NT5C2: variants seen among roughly 807,000 people sequenced by gnomAD.
NT5C2 encodes the protein cytosolic purine 5'-nucleotidase.
In NT5C2, 58 loss-of-function variants were observed where a neutral mutation model predicts 76.1. The observed-to-expected ratio is 0.76, with a 90% confidence interval of 0.62 to 0.95. The LOEUF (loss-of-function observed/expected upper bound fraction) is 0.95, where lower values mean the gene tolerates loss of function less well. Among genes scored for constraint, NT5C2 ranks in the 40% least tolerant of loss-of-function variants. NT5C2 has a pLI of 0.00. For synonymous variants in NT5C2, 229 were observed against 237.4 expected (o/e 0.96, Z 0.32); for missense variants, 478 against 690.3 (o/e 0.69, Z 3.45).
At chr10:103,130,779 CA>C (rs2136063954) in intron 4 of NT5C2, among the ~76,000 whole-genome samples, 1 of 151,898 alleles carries the variant, frequency 6.6e-6, no homozygotes, top group Non-Finnish European at 1.5e-5. Flanking sequence ...ACAGGATTCT[CA>C]AAACATCATT....
At chr10:103,098,218 CTTAATA>C (rs1349945749) in intron 10 of NT5C2, 1 of 367,756 alleles carries the variant, frequency 2.7e-6, no homozygotes, top group African/African-American at 2.2e-5. Context: ...TCCAGTTTCC[CTTAATA>C]TTAACATCTT....
chr10:103,176,786 T>C (rs993620099), intron 2 of NT5C2, among the ~76,000 whole-genome samples: 17 of 152,130 alleles, frequency 1.1e-4, no homozygotes, highest in African/African-American at 4.1e-4. Context: ...GGGATTACAG[T>C]TGGGAGCCAC....
chr10:103,122,538 A>G (rs886983898), intron 4 of NT5C2, among the ~76,000 whole-genome samples: 6 of 152,246 alleles, frequency 3.9e-5, no homozygotes, highest in Non-Finnish European at 8.8e-5. Flanking sequence ...GTTTTAACAA[A>G]TCTGTTGCTA....
At chr10:103,189,019 G>A (rs2092378630) in intron 1 of NT5C2, among the ~76,000 whole-genome samples, 1 of 147,922 alleles carries the variant, frequency 6.8e-6, no homozygotes, top group South Asian at 2.1e-4. Context: ...AAAAAAGAGT[G>A]TGGGATGAAA....
At chr10:103,092,833 C>T (rs969422153) in intron 15 of NT5C2, among the ~76,000 whole-genome samples, 1 of 152,114 alleles carries the variant, frequency 6.6e-6, no homozygotes, top group Non-Finnish European at 1.5e-5. Context: ...TATGGGACCA[C>T]AGAGGAAAAG....
chr10:103,159,150 T>C (rs1195626901), intron 3 of NT5C2, among the ~76,000 whole-genome samples: 1 of 151,914 alleles, frequency 6.6e-6, no homozygotes, highest in Non-Finnish European at 1.5e-5. Flanking sequence ...GGGGGATCAC[T>C]TGAGGCCAAG....
chr10:103,141,753 G>C (rs1272955591), intron 3 of NT5C2, among the ~76,000 whole-genome samples: 1 of 152,110 alleles, frequency 6.6e-6, no homozygotes, highest in Non-Finnish European at 1.5e-5. Flanking sequence ...TAAATAAATA[G>C]CTACTGTCTA....
In NT5C2 at chr10:103,097,389, GATA is replaced by G. The variant is rs2068461219; in HGVS notation, c.688-18_688-16del. On this transcript the variant is annotated splice_polypyrimidine_tract_variant and intron_variant, in intron 10 of 18. Transcript: ENST00000404739. ...GGCAGTTTTCCCTGAAATGTAATTG[GATA>G]ATGAGTGAAACACGAAAACATTTTT... 2 of 1,594,802 alleles carry G rather than the reference GATA, an allele frequency of 1.3e-6. No individual in the cohort carries two copies. Among genetic ancestry groups the G allele is most frequent in the Non-Finnish European group, 1.7e-6 (2 of 1,163,350 alleles).
At chr10:103,168,856 A>C (rs1456834992) in intron 3 of NT5C2, among the ~76,000 whole-genome samples, 1 of 152,234 alleles carries the variant, frequency 6.6e-6, no homozygotes, top group African/African-American at 2.4e-5. Context: ...ATCACATACG[A>C]TGTATACTTT....
intron 3 of NT5C2, among the ~76,000 whole-genome samples, chr10:103,172,955 C>A (rs943708378): frequency 6.6e-6 from 1 of 152,118 alleles, no homozygotes; most frequent in African/African-American, 2.4e-5. Flanking sequence ...TTACAGTGAG[C>A]CGAGATCAAG....
chr10:103,156,672 T>C (rs1415394563), intron 3 of NT5C2, among the ~76,000 whole-genome samples: 1 of 145,042 alleles, frequency 6.9e-6, no homozygotes, highest in African/African-American at 2.6e-5. Flanking sequence ...CGACAATCAC[T>C]TGAACCCAGG....
At chr10:103,092,232 A>G (rs2067115451) in intron 15 of NT5C2, among the ~76,000 whole-genome samples, 1 of 152,202 alleles carries the variant, frequency 6.6e-6, no homozygotes, top group Non-Finnish European at 1.5e-5. Flanking sequence ...TCTATCTACC[A>G]TCTTTAGGAG....
At chr10:103,156,432 T>G (rs1234430685) in intron 3 of NT5C2, among the ~76,000 whole-genome samples, 1 of 152,234 alleles carries the variant, frequency 6.6e-6, no homozygotes, top group Admixed American at 6.5e-5. Flanking sequence ...TAATAATGGA[T>G]GTAGTAACAA....
intron 14 of NT5C2, 69 bp downstream of exon 14, chr10:103,093,901 TGA>T: frequency 1.7e-6 from 2 of 1,195,626 alleles, no homozygotes; most frequent in Non-Finnish European, 2.5e-6. Flanking sequence ...GGCACTTTGC[TGA>T]GAGATTACCA....
At chr10:103,193,039 G>C (rs1317985529) in intron 1 of NT5C2, among the ~76,000 whole-genome samples, 197 bp downstream of exon 1, 1 of 151,742 alleles carries the variant, frequency 6.6e-6, no homozygotes, top group Non-Finnish European at 1.5e-5. Flanking sequence ...GAGTTGGGAG[G>C]CGTGCGGCGT....
chr10:103,155,970 C>T (rs539791529), intron 3 of NT5C2, among the ~76,000 whole-genome samples: 2 of 152,124 alleles, frequency 1.3e-5, no homozygotes, highest in South Asian at 4.1e-4. Context: ...TTTAGACCAG[C>T]ATGGGCAACA....
chr10:103,125,140 C>G, intron 4 of NT5C2: 1 of 542,916 alleles, frequency 1.8e-6, no homozygotes, highest in Admixed American at 2.5e-5. Flanking sequence ...GCAGATTACT[C>G]TACCATTTTT....
At chr10:103,176,384 T>C (rs2089952649) in intron 2 of NT5C2, among the ~76,000 whole-genome samples, 1 of 152,042 alleles carries the variant, frequency 6.6e-6, no homozygotes, top group Non-Finnish European at 1.5e-5. Flanking sequence ...AAGGCAACTG[T>C]TGGTTTTCTT....
At chr10:103,128,006 A>AAAAC (rs113911704) in intron 4 of NT5C2, among the ~76,000 whole-genome samples, 4 of 148,918 alleles carry the variant, frequency 2.7e-5, no homozygotes, top group Admixed American at 6.7e-5. Flanking sequence ...ACCCCCTGCA[A>AAAAC]AAACAAACAA....
Sources: gnomAD v4.1 joint callset for allele counts (sites outside exome capture counted in the v4.1 genomes callset) on GRCh38, gnomAD v4.1.1 for gene constraint, MANE v1.5 for transcripts, NCBI Gene and HGNC (gene_info 2026-07-23, HGNC 2026-07-21) for gene names.